Variants in PCBP3 observed in about 807,000 individuals in gnomAD.
PCBP3 encodes the protein poly(rC) binding protein 3.
In PCBP3, 25 loss-of-function variants were observed where a neutral mutation model predicts 52.7. That is an observed-to-expected ratio of 0.47 (90% CI 0.35 to 0.66). The LOEUF (loss-of-function observed/expected upper bound fraction) is 0.66, where lower values mean the gene tolerates loss of function less well. Among genes scored for constraint, PCBP3 ranks in the 30% least tolerant of loss-of-function variants. PCBP3 has a pLI of 0.01. For synonymous variants in PCBP3, 162 were observed against 183.0 expected, an observed-to-expected ratio of 0.89 and a Z score of 0.93; for missense variants, 391 against 490.3, an observed-to-expected ratio of 0.80 and a Z score of 1.91.
Position 45,788,828 on chromosome 21 carries a change from CA to C in PCBP3, c.-126+33377del, listed in dbSNP as rs2091334885. ...GGTGACTGTCAACTTTTCATCTATG[CA>C]GAATGTTAATGACTCACCAGTCACA... On this transcript the variant is annotated intron_variant, in intron 4 of 17. Transcript: ENST00000681687. This position sits in a 1 kb window ranked among gnomAD's most constrained non-coding sequence, Gnocchi z 4.3. 1 of 152,174 alleles carries C rather than the reference CA, an allele frequency of 6.6e-6. No individual in the cohort carries two copies. Among genetic ancestry groups the C allele is most frequent in the Non-Finnish European group, 1.5e-5 (1 of 68,032 alleles). The allele number at this position is 152,174 out of a possible 1,614,324, so 9.4% of individuals were successfully genotyped here.
intron 5 of PCBP3, among the ~76,000 whole-genome samples, chr21:45,874,683 T>A (rs1424732690): frequency 6.6e-6 from 1 of 152,096 alleles, no homozygotes; most frequent in African/African-American, 2.4e-5. Context: ...CTTTTTTGTA[T>A]TTTTAGTAGA....
At chr21:45,757,178 C>G (rs1432502744) in intron 4 of PCBP3, among the ~76,000 whole-genome samples, 2 of 152,206 alleles carry the variant, frequency 1.3e-5, no homozygotes, top group Non-Finnish European at 2.9e-5. Context: ...TCCACACATC[C>G]TTGTCAACAC....
At chr21:45,883,501 G>A (rs1212424729) in intron 5 of PCBP3, among the ~76,000 whole-genome samples, 1 of 152,138 alleles carries the variant, frequency 6.6e-6, no homozygotes, top group Non-Finnish European at 1.5e-5. Flanking sequence ...TTCAGCTGTC[G>A]TTGTGGATTT....
chr21:45,793,710 C>T lies in PCBP3; in HGVS notation c.-126+38258C>T, dbSNP rs114995666. On this transcript the variant is annotated intron_variant, in intron 4 of 17. Coordinates refer to ENST00000681687, the MANE Select transcript of PCBP3 (RefSeq NM_001384156.1). ...GGGAGGCGATAGCCCCTGCAAAGCT[C>T]TGGCTGGTGATTGGCATCAGACTTC... Among the ~76,000 whole-genome samples, 687 of 152,266 alleles carry T rather than the reference C, an allele frequency of 4.5e-3. 2 individuals are homozygous for T. Among genetic ancestry groups the T allele is most frequent in the African/African-American group, 0.015 (640 of 41,556 alleles).
rs144790395 is a variant in PCBP3 at position 45,724,080 on chromosome 21, C to G, written c.-199-11312C>G. ...GGAGGGGGTAAGTTAATGAGACACT[C>G]TCTCCCCCAGATCTGGAGAAATTCA... is the stretch of plus-strand genomic sequence containing the variant. On this transcript the variant is annotated intron_variant, in intron 2 of 17. Coordinates refer to ENST00000681687, the MANE Select transcript of PCBP3 (RefSeq NM_001384156.1). This position sits in a 1 kb window ranked among gnomAD's most constrained non-coding sequence, Gnocchi z 5.3. Among the ~76,000 whole-genome samples, 91 of 152,326 alleles carry G rather than the reference C, an allele frequency of 6.0e-4. No individual in the cohort carries two copies. Among genetic ancestry groups the G allele is most frequent in the Admixed American group, 1.4e-3 (22 of 15,312 alleles).
chr21:45,901,711 CAGAGAGAGAGAGAT>C (rs2096055350), intron 9 of PCBP3: 1 of 125,360 alleles, frequency 8.0e-6, no homozygotes, highest in African/African-American at 4.3e-5. Context: ...GAGAGGAAGA[CAGAGAGAGAGAGAT>C]GAGAGAGAGA....
intron 4 of PCBP3, among the ~76,000 whole-genome samples, chr21:45,774,367 C>T (rs1040259355): frequency 9.6e-5 from 14 of 146,562 alleles, no homozygotes; most frequent in South Asian, 2.2e-4. Context: ...TCCAGCCTGG[C>T]GACAGAGCAA....
rs2083348464 is a variant in PCBP3 at position 45,704,851 on chromosome 21, A to C, written c.-199-30541A>C. 6.6e-6 allele frequency among the ~76,000 whole-genome samples: 1 copy of C among 152,064 alleles called. No homozygotes were observed. Among genetic ancestry groups the C allele is most frequent in the South Asian group, 2.1e-4 (1 of 4,836 alleles). On this transcript the variant is annotated intron_variant, in intron 2 of 17. Coordinates refer to ENST00000681687, the MANE Select transcript of PCBP3 (RefSeq NM_001384156.1). The surrounding 1 kb of genome is among the most constrained non-coding windows in gnomAD (Gnocchi z 4.1). The stretch of plus-strand genomic sequence containing the variant: ...TGATGTGATACAGTGCAGGTAGACG[A>C]CACAGGGCGCTGCTGTCTGCTGAAT...
chr21:45,921,059 G>A (rs759237771), intron 13 of PCBP3, among the ~76,000 whole-genome samples: 3 of 152,154 alleles, frequency 2.0e-5, no homozygotes, highest in Non-Finnish European at 4.4e-5. Flanking sequence ...TCTTGCAGGC[G>A]TGTAAAATTG....
intron 5 of PCBP3, among the ~76,000 whole-genome samples, chr21:45,850,589 C>T (rs948332140): frequency 6.6e-6 from 1 of 152,144 alleles, no homozygotes; most frequent in Non-Finnish European, 1.5e-5. Flanking sequence ...TTGCAAGGAA[C>T]GTTGGATGAA....
chr21:45,708,216 G>A (rs1048607475), intron 2 of PCBP3, among the ~76,000 whole-genome samples: 1 of 152,138 alleles, frequency 6.6e-6, no homozygotes, highest in African/African-American at 2.4e-5. Flanking sequence ...TATGGGGGAG[G>A]GATAGGTTGC....
chr21:45,834,055 G>A lies in PCBP3; in HGVS notation c.-125-15906G>A, dbSNP rs186233817. On this transcript the variant is annotated intron_variant, in intron 4 of 17. Coordinates refer to ENST00000681687, the MANE Select transcript of PCBP3 (RefSeq NM_001384156.1). Reference sequence around the variant, plus strand: ...CAGGGAAGGCTGGGGGCTGAGCCAGGACATGTCCTGGGTAGGGAAGGGAGG... The same window carrying A: ...CAGGGAAGGCTGGGGGCTGAGCCAGAACATGTCCTGGGTAGGGAAGGGAGG... Among the ~76,000 whole-genome samples the A allele has an allele frequency of 7.6e-3, 1,162 of 152,272 alleles. 9 individuals are homozygous for A. The highest frequency in any genetic ancestry group is 0.01 in the Middle Eastern group (3 of 294).
intron 5 of PCBP3, among the ~76,000 whole-genome samples, chr21:45,862,398 T>A (rs754620911): frequency 2.0e-5 from 3 of 152,124 alleles, no homozygotes; most frequent in Non-Finnish European, 4.4e-5. Context: ...TCATGTATAA[T>A]AGCAAGAAAA....
intron 17 of PCBP3, 93 bp downstream of exon 17, chr21:45,940,292 C>T: frequency 9.0e-7 from 1 of 1,108,916 alleles, no homozygotes; most frequent in Non-Finnish European, 1.3e-6. Context: ...TGGGAGGAGG[C>T]ACAGTCTGGG....
At chr21:45,924,798 A>G (rs1203523278) in intron 13 of PCBP3, among the ~76,000 whole-genome samples, 13 of 47,906 alleles carry the variant, frequency 2.7e-4, no homozygotes, top group South Asian at 5.7e-4. Context: ...CACACGTAAG[A>G]TCGGGTGTGC....
intron 4 of PCBP3, chr21:45,760,375 G>A (rs2088515190): frequency 6.6e-6 from 1 of 152,208 alleles, no homozygotes; most frequent in African/African-American, 2.4e-5. Context: ...ATTTCAGGAG[G>A]AGAGAAGGTT....
intron 4 of PCBP3, among the ~76,000 whole-genome samples, chr21:45,798,454 A>G (rs112935132): frequency 0.015 from 1,537 of 105,514 alleles, no homozygotes; most frequent in Middle Eastern, 0.036. Context: ...GAATGGATGC[A>G]TACATGGATG....
In PCBP3 at chr21:45,735,104, TC is replaced by T. The variant is rs1288120652; in HGVS notation, c.-199-287del. The stretch of plus-strand genomic sequence containing the variant: ...GAATCAGCTGTGCCCCAGACGTCAG[TC>T]AGGCCGAGGACTGTGGGTCAAGGTT... On this transcript the variant is annotated intron_variant, in intron 2 of 17. Coordinates refer to ENST00000681687, the MANE Select transcript of PCBP3 (RefSeq NM_001384156.1). This position sits in a 1 kb window ranked among gnomAD's most constrained non-coding sequence, Gnocchi z 4.0. Among the ~76,000 whole-genome samples the T allele has an allele frequency of 6.6e-6, 1 of 152,182 alleles. No homozygotes were observed. Among genetic ancestry groups the T allele is most frequent in the African/African-American group, 2.4e-5 (1 of 41,446 alleles).
chr21:45,776,532 T>C (rs1389103598), intron 4 of PCBP3, among the ~76,000 whole-genome samples: 1 of 151,848 alleles, frequency 6.6e-6, no homozygotes, highest in Non-Finnish European at 1.5e-5. Flanking sequence ...GTTTGCTTTA[T>C]GAATCTTGAT....
Sources: allele counts gnomAD v4.1 joint callset (sites outside exome capture counted in the v4.1 genomes callset), GRCh38; gene constraint gnomAD v4.1.1; non-coding constraint Gnocchi (gnomAD v3.1); transcripts MANE v1.5; gene names NCBI Gene and HGNC (gene_info 2026-07-23, HGNC 2026-07-21).